IGFBP7: variants seen among roughly 807,000 people sequenced by gnomAD.
IGFBP7 encodes the protein insulin like growth factor binding protein 7.
A neutral mutation model predicts 29.4 loss-of-function variants in IGFBP7; 31 were observed. The observed-to-expected ratio is 1.05, with a 90% CI of 0.79 to 1.42. IGFBP7 has a LOEUF of 1.42. Ranked by LOEUF, IGFBP7 falls within the 40% of genes most tolerant of loss-of-function variation. The pLI, the probability that IGFBP7 is intolerant of heterozygous loss-of-function variation, is 0.00. For missense variants in IGFBP7, 393 were observed against 395.5 expected, an observed-to-expected ratio of 0.99 and a Z score of 0.05; for synonymous variants, 172 against 174.9, an observed-to-expected ratio of 0.98 and a Z score of 0.13.
At chr4:57,067,080 C>A (rs1280110145) in intron 1 of IGFBP7, among the ~76,000 whole-genome samples, 1 of 151,922 alleles carries the variant, frequency 6.6e-6, no homozygotes, top group East Asian at 1.9e-4. Context: ...AAACAAAGTC[C>A]TCATGGATGG....
chr4:57,103,747 C>T (rs1439333162), intron 1 of IGFBP7, among the ~76,000 whole-genome samples: 1 of 131,422 alleles, frequency 7.6e-6, no homozygotes, highest in Non-Finnish European at 1.5e-5. Flanking sequence ...CAGATTTGAC[C>T]TCCTGGGCTC....
At chr4:57,082,842 G>A (rs1324250259) in intron 1 of IGFBP7, among the ~76,000 whole-genome samples, 1 of 152,034 alleles carries the variant, frequency 6.6e-6, no homozygotes, top group East Asian at 1.9e-4. Context: ...CACAGGGTTT[G>A]TCTATGTTGC....
chr4:57,085,839 C>T (rs781613025), intron 1 of IGFBP7, among the ~76,000 whole-genome samples: 46 of 152,312 alleles, frequency 3.0e-4, no homozygotes, highest in Admixed American at 1.5e-3. Flanking sequence ...CAGTAACTTG[C>T]TTTCTGTGAT....
At chr4:57,068,285 C>CAA (rs199520507) in intron 1 of IGFBP7, among the ~76,000 whole-genome samples, 19 of 73,842 alleles carry the variant, frequency 2.6e-4, no homozygotes, top group East Asian at 4.0e-4. Context: ...GACCCTGTCT[C>CAA]AAAAAAAAAA....
At chr4:57,090,037 T>C (rs1005880411) in intron 1 of IGFBP7, among the ~76,000 whole-genome samples, 29 of 152,228 alleles carry the variant, frequency 1.9e-4, no homozygotes, top group Admixed American at 1.7e-3. Context: ...AGAAACCATC[T>C]ACACCTAAAC....
chr4:57,109,791 G>T, intron 1 of IGFBP7, 86 bp downstream of exon 1: 1 of 1,431,784 alleles, frequency 7.0e-7, no homozygotes, highest in Non-Finnish European at 9.2e-7. Context: ...AGCAGCGCGG[G>T]GCGAGGCCGC....
At chr4:57,106,418 C>T (rs890759306) in intron 1 of IGFBP7, among the ~76,000 whole-genome samples, 1 of 151,924 alleles carries the variant, frequency 6.6e-6, no homozygotes, top group Non-Finnish European at 1.5e-5. Context: ...AGGTGAGAGG[C>T]GTTGCAGGCA....
chr4:57,073,068 C>G, intron 1 of IGFBP7: 1 of 1,500,816 alleles, frequency 6.7e-7, no homozygotes, highest in Non-Finnish European at 9.2e-7. Flanking sequence ...TGGAAACCCC[C>G]CACAGCTTTT....
chr4:57,034,327 T>A (rs1724029083), intron 2 of IGFBP7, among the ~76,000 whole-genome samples: 1 of 152,002 alleles, frequency 6.6e-6, no homozygotes, highest in Admixed American at 6.6e-5. Flanking sequence ...GTACAAATAT[T>A]TTAAGCCTTG....
chr4:57,094,151 C>T (rs1279894813), intron 1 of IGFBP7, among the ~76,000 whole-genome samples: 2 of 152,142 alleles, frequency 1.3e-5, no homozygotes, highest in East Asian at 1.9e-4. Context: ...AGTCTTTCTC[C>T]TGGGGCAAAT....
chr4:57,053,392 G>C (rs916889582), intron 1 of IGFBP7, among the ~76,000 whole-genome samples: 1 of 152,176 alleles, frequency 6.6e-6, no homozygotes. Flanking sequence ...TACTGACAAA[G>C]AGTCTGACTC....
At chr4:57,041,720 G>A (rs1466150268) in intron 1 of IGFBP7, among the ~76,000 whole-genome samples, 1 of 151,760 alleles carries the variant, frequency 6.6e-6, no homozygotes, top group Non-Finnish European at 1.5e-5. Context: ...TTTTATTTTT[G>A]TAGAGACGGG....
At position 57,073,012 on chromosome 4, in the gene IGFBP7, C is replaced by A. The variant is rs1614552; in HGVS notation, c.476-32079G>T. On this transcript the variant is annotated intron_variant, in intron 1 of 4. Transcript: ENST00000295666. ...TGCTCTCCATCCACAGCCTTCGAGG[C>A]AAACCCAACATTGATAGCTCGTTGA... 1.3e-4 allele frequency: 135 copies of A among 1,055,712 alleles called. 1 individual carries two copies. The African/African-American group carries it at 1.8e-3, about 14-fold the overall frequency. The allele number at this position is 1,055,712 out of a possible 1,614,324, so 65.4% of individuals were successfully genotyped here. A position where few individuals can be genotyped will look rare whatever the true frequency, so the allele number is the denominator to read the frequency against.
At chr4:57,045,272 G>A (rs546677881) in intron 1 of IGFBP7, among the ~76,000 whole-genome samples, 5 of 152,192 alleles carry the variant, frequency 3.3e-5, no homozygotes, top group Non-Finnish European at 7.3e-5. Flanking sequence ...CTCCTGCTGG[G>A]GTGATGTAGT....
At chr4:57,105,211 C>G (rs908895970) in intron 1 of IGFBP7, among the ~76,000 whole-genome samples, 3 of 152,228 alleles carry the variant, frequency 2.0e-5, no homozygotes, top group Admixed American at 6.5e-5. Context: ...CTTAATACTG[C>G]TCATTCATCT....
chr4:57,065,631 T>C (rs1724901685), intron 1 of IGFBP7: 1 of 152,276 alleles, frequency 6.6e-6, no homozygotes, highest in Non-Finnish European at 1.5e-5. Context: ...CCTGCTGAGC[T>C]GAAGGAGCAT....
chr4:57,066,735 G>A (rs1371185896), intron 1 of IGFBP7, among the ~76,000 whole-genome samples: 1 of 151,738 alleles, frequency 6.6e-6, no homozygotes, highest in African/African-American at 2.4e-5. Context: ...AGTGAATTTT[G>A]TATTTTTAGT....
chr4:57,062,760 A>AG (rs1724828505), intron 1 of IGFBP7, among the ~76,000 whole-genome samples: 2 of 152,208 alleles, frequency 1.3e-5, no homozygotes, highest in South Asian at 4.1e-4. Context: ...CAGGAATCCT[A>AG]GGAAAACTTT....
chr4:57,052,573 A>C (rs1724530610), intron 1 of IGFBP7, among the ~76,000 whole-genome samples: 1 of 152,144 alleles, frequency 6.6e-6, no homozygotes, highest in Admixed American at 6.5e-5. Flanking sequence ...CCATCAGCTC[A>C]CTGCTGACCA....
Sources: allele counts gnomAD v4.1 joint callset (sites outside exome capture counted in the v4.1 genomes callset), GRCh38; gene constraint gnomAD v4.1.1; transcripts MANE v1.5; gene names NCBI Gene and HGNC (gene_info 2026-07-23, HGNC 2026-07-21).